The following EYA2 variants were observed in gnomAD, a reference collection of about 807,000 sequenced individuals.
The protein encoded by EYA2 is protein phosphatase EYA2.
A neutral mutation model predicts 69.2 loss-of-function variants in EYA2; 31 were observed. That is an observed-to-expected ratio of 0.45 (90% CI 0.34 to 0.60). The LOEUF is 0.60. EYA2 is among the 20% of genes least tolerant of loss of function. The probability of loss-of-function intolerance (pLI) is 0.02; values close to 1 mark genes in which losing one functional copy is unlikely to be tolerated. For missense variants in EYA2, 622 were observed against 701.2 expected (o/e 0.89, Z 1.28); for synonymous variants, 257 against 279.4 (o/e 0.92, Z 0.80).
intron 7 of EYA2, among the ~76,000 whole-genome samples, chr20:47,088,523 A>C (rs909235551): frequency 1.3e-5 from 2 of 152,096 alleles, no homozygotes; most frequent in African/African-American, 4.8e-5. Flanking sequence ...GCCTTCCCTG[A>C]CTAGCCCCAT....
chr20:47,113,197 G>A (rs1361041558), intron 9 of EYA2, among the ~76,000 whole-genome samples: 2 of 152,084 alleles, frequency 1.3e-5, no homozygotes, highest in African/African-American at 4.8e-5. Flanking sequence ...ATGCAACAAA[G>A]GCTAGCTGTG....
intron 1 of EYA2, among the ~76,000 whole-genome samples, chr20:46,920,859 C>T (rs991806303): frequency 3.9e-5 from 6 of 152,232 alleles, no homozygotes; most frequent in African/African-American, 1.2e-4. Flanking sequence ...AAACTGGTGC[C>T]ACCCAGGATG....
intron 12 of EYA2, among the ~76,000 whole-genome samples, chr20:47,174,322 A>G (rs1020053240): frequency 6.6e-6 from 1 of 152,248 alleles, no homozygotes; most frequent in South Asian, 2.1e-4. Flanking sequence ...GGCAACATAC[A>G]TACGGTCATC....
chr20:47,139,374 G>A (rs544624459), intron 9 of EYA2, among the ~76,000 whole-genome samples: 12 of 152,200 alleles, frequency 7.9e-5, no homozygotes, highest in African/African-American at 2.9e-4. Flanking sequence ...CTTTTTTCCT[G>A]CCCAGGGGCA....
At chr20:47,131,800 T>C (rs2033348415) in intron 9 of EYA2, among the ~76,000 whole-genome samples, 1 of 152,170 alleles carries the variant, frequency 6.6e-6, no homozygotes, top group South Asian at 2.1e-4. Flanking sequence ...AGAGAATAAG[T>C]GTACATTGTT....
intron 1 of EYA2, among the ~76,000 whole-genome samples, chr20:46,968,868 G>A (rs6018209): frequency 8.5e-5 from 13 of 152,222 alleles, no homozygotes; most frequent in Middle Eastern, 3.4e-3. Context: ...TCCTTGTTCA[G>A]GTTAACGTTT....
rs184302791 is a variant in EYA2 at position 46,908,277 on chromosome 20, A to C, written c.-11+13290A>C. 4.3e-3 allele frequency among the ~76,000 whole-genome samples: 654 copies of C among 152,366 alleles called. 5 individuals are homozygous for C. The highest frequency in any genetic ancestry group is 0.015 in the African/African-American group (619 of 41,588). On this transcript the variant is annotated intron_variant, in intron 1 of 15. Transcript: ENST00000327619. ...GTATATAAGGTACGCAGAATATCAA[A>C]TGATAAGTCCATGGAGAAAAAAGGT...
chr20:47,146,811 G>A (rs886860675), intron 10 of EYA2, among the ~76,000 whole-genome samples: 1 of 152,200 alleles, frequency 6.6e-6, no homozygotes, highest in African/African-American at 2.4e-5. Context: ...TTTATGAAGG[G>A]CTTACCATTT....
At chr20:46,994,807 GC>G (rs1462951053) in intron 2 of EYA2, among the ~76,000 whole-genome samples, 1 of 152,016 alleles carries the variant, frequency 6.6e-6, no homozygotes, top group Non-Finnish European at 1.5e-5. Flanking sequence ...CAGGTAAAGA[GC>G]TTCCACTGAT....
chr20:46,943,643 T>G (rs1012465040), intron 1 of EYA2, among the ~76,000 whole-genome samples: 6 of 152,192 alleles, frequency 3.9e-5, no homozygotes, highest in Non-Finnish European at 7.3e-5. Context: ...CAGCTGAAAC[T>G]GTTTCTCCCT....
chr20:47,106,203 T>A lies in EYA2; in HGVS notation c.888+9035T>A, dbSNP rs138220925. On this transcript the variant is annotated intron_variant, in intron 9 of 15. Coordinates refer to ENST00000327619, the MANE Select transcript of EYA2 (RefSeq NM_005244.5). Reference sequence around the variant, plus strand: ...GTGTATGTAGGGGCCACATTTTTCCTCTTGCCTCAGGCCCTGTGGCTTGGC... The same window carrying A: ...GTGTATGTAGGGGCCACATTTTTCCACTTGCCTCAGGCCCTGTGGCTTGGC... Among the ~76,000 whole-genome samples, 13 of 152,292 alleles carry A rather than the reference T, an allele frequency of 8.5e-5. No homozygotes were observed. In the East Asian group the frequency reaches 2.5e-3, roughly 29 times the overall value.
chr20:47,123,649 T>C (rs1333479375), intron 9 of EYA2, among the ~76,000 whole-genome samples: 2 of 152,150 alleles, frequency 1.3e-5, no homozygotes, highest in Non-Finnish European at 2.9e-5. Flanking sequence ...AGATTAGAAT[T>C]TCATGCCAAA....
intron 5 of EYA2, among the ~76,000 whole-genome samples, chr20:47,029,994 C>T (rs1294014909): frequency 1.3e-5 from 2 of 152,114 alleles, no homozygotes; most frequent in African/African-American, 4.8e-5. Context: ...AGGTCTCTGT[C>T]CCAATTACTC....
At chr20:47,080,718 C>T (rs1435130099) in intron 7 of EYA2, among the ~76,000 whole-genome samples, 1 of 151,912 alleles carries the variant, frequency 6.6e-6, no homozygotes, top group Non-Finnish European at 1.5e-5. Context: ...CTGGGGAAGC[C>T]TCACAATCAT....
chr20:47,078,312 TGCAC>T (rs2031587885), intron 7 of EYA2, among the ~76,000 whole-genome samples: 2 of 141,580 alleles, frequency 1.4e-5, no homozygotes, highest in Non-Finnish European at 3.1e-5. Flanking sequence ...TGTGCACATG[TGCAC>T]GTGCGCGCGC....
chr20:47,026,741 A>G (rs1203249600), intron 5 of EYA2, among the ~76,000 whole-genome samples: 1 of 152,180 alleles, frequency 6.6e-6, no homozygotes, highest in Non-Finnish European at 1.5e-5. Context: ...TGGGAACTGT[A>G]GCAAATTAGA....
Sources: allele counts gnomAD v4.1 joint callset (sites outside exome capture counted in the v4.1 genomes callset), GRCh38; gene constraint gnomAD v4.1.1; transcripts MANE v1.5; gene names NCBI Gene and HGNC (gene_info 2026-07-23, HGNC 2026-07-21).